Variants in PDSS2 observed in about 807,000 individuals in gnomAD.
The protein encoded by PDSS2 is all trans-polyprenyl-diphosphate synthase PDSS2.
Under a neutral mutation model 44.5 loss-of-function variants are expected in PDSS2, and 31 were observed. The observed-to-expected ratio is 0.70, with a 90% confidence interval of 0.52 to 0.94. PDSS2 has a LOEUF of 0.94. PDSS2 is among the 40% of genes least tolerant of loss of function. PDSS2 has a pLI of 0.00. For synonymous variants in PDSS2, 157 were observed against 180.3 expected (o/e 0.87, Z 1.03); for missense variants, 452 against 482.2 (o/e 0.94, Z 0.59).
intron 4 of PDSS2, among the ~76,000 whole-genome samples, chr6:107,239,818 T>C (rs1177951286): frequency 6.6e-6 from 1 of 151,910 alleles, no homozygotes; most frequent in Non-Finnish European, 1.5e-5. Flanking sequence ...ATTTTTGTAT[T>C]TTTAGCAGAG....
At chr6:107,368,428 A>T (rs1779029276) in intron 1 of PDSS2, among the ~76,000 whole-genome samples, 1 of 152,202 alleles carries the variant, frequency 6.6e-6, no homozygotes, top group African/African-American at 2.4e-5. Context: ...GATAAAGAAG[A>T]TCTAAATAAA....
intron 4 of PDSS2, among the ~76,000 whole-genome samples, chr6:107,214,580 C>A (rs1201042059): frequency 6.6e-6 from 1 of 152,120 alleles, no homozygotes; most frequent in Non-Finnish European, 1.5e-5. Context: ...GGAACCTACC[C>A]AGAAGGATTA....
intron 4 of PDSS2, among the ~76,000 whole-genome samples, chr6:107,241,407 C>A (rs1234269016): frequency 1.0e-4 from 13 of 128,636 alleles, no homozygotes; most frequent in Non-Finnish European, 1.4e-4. Flanking sequence ...AGTGCAGTGG[C>A]GAGATATCGG....
intron 1 of PDSS2, among the ~76,000 whole-genome samples, chr6:107,368,021 A>G (rs1311227841): frequency 6.6e-6 from 1 of 152,170 alleles, no homozygotes; most frequent in Non-Finnish European, 1.5e-5. Flanking sequence ...CCGTAATCCC[A>G]GCACTTTGGG....
At chr6:107,230,126 G>C (rs1773990341) in intron 4 of PDSS2, 1 of 154,742 alleles carries the variant, frequency 6.5e-6, no homozygotes, top group Non-Finnish European at 1.4e-5. Context: ...AAAGGTCAAA[G>C]TTGGTGCTGG....
At chr6:107,213,278 T>C (rs1773290948) in intron 4 of PDSS2, among the ~76,000 whole-genome samples, 1 of 151,560 alleles carries the variant, frequency 6.6e-6, no homozygotes, top group South Asian at 2.1e-4. Flanking sequence ...CCCAAAGTAC[T>C]GGGATTACAG....
At chr6:107,387,226 T>C (rs914609548) in intron 1 of PDSS2, among the ~76,000 whole-genome samples, 2 of 152,220 alleles carry the variant, frequency 1.3e-5, no homozygotes, top group African/African-American at 4.8e-5. Context: ...GAAAGATTGG[T>C]TGACTGTTCT....
intron 1 of PDSS2, among the ~76,000 whole-genome samples, chr6:107,376,861 T>C (rs537928075): frequency 1.8e-4 from 27 of 152,258 alleles, no homozygotes; most frequent in African/African-American, 6.3e-4. Context: ...CTGGATCCCT[T>C]CCTTACACCT....
chr6:107,459,224 C>A lies in PDSS2; in HGVS notation c.62G>T (p.Arg21Leu). 6.2e-7 allele frequency: 1 copy of A among 1,614,056 alleles called. No individual in the cohort carries two copies. Among genetic ancestry groups the A allele is most frequent in the Non-Finnish European group, 8.5e-7 (1 of 1,180,004 alleles). Residue 21 changes from arginine to leucine, a missense_variant, in exon 1 of 8, where the codon CGT becomes CTT. By Grantham distance (102) the Arg-to-Leu change is moderately radical. Transcript: ENST00000369037. The surrounding 1 kb of genome is among the most constrained non-coding windows in gnomAD (Gnocchi z 4.3). The stretch of plus-strand genomic sequence containing the variant: ...GAGGGACGGGGACCACCACAGGCGA[C>A]GCGGGGAACCCGAGGCTCCAAGATA... ...PRYLGASGSP[R>L]RLWWSPSLDT...
chr6:107,311,431 C>A (rs1298331413), intron 2 of PDSS2, among the ~76,000 whole-genome samples: 1 of 152,076 alleles, frequency 6.6e-6, no homozygotes, highest in African/African-American at 2.4e-5. Context: ...TAGTCTTGAA[C>A]TCCTGGGCTC....
intron 1 of PDSS2, among the ~76,000 whole-genome samples, chr6:107,345,288 C>CA (rs879010159): frequency 6.6e-6 from 1 of 150,382 alleles, no homozygotes; most frequent in Admixed American, 6.6e-5. Flanking sequence ...TGCAAGAGAA[C>CA]TACTCACTTT....
chr6:107,262,897 C>T (rs555749659), intron 3 of PDSS2, among the ~76,000 whole-genome samples: 2 of 151,784 alleles, frequency 1.3e-5, no homozygotes, highest in East Asian at 2.0e-4. Flanking sequence ...CTAGATAGTC[C>T]GGCCTGGGCA....
At chr6:107,427,254 G>C (rs546749562) in intron 1 of PDSS2, among the ~76,000 whole-genome samples, 1 of 152,246 alleles carries the variant, frequency 6.6e-6, no homozygotes, top group East Asian at 1.9e-4. Flanking sequence ...CTTTTTGCCT[G>C]CTGCCATCCA....
intron 2 of PDSS2, among the ~76,000 whole-genome samples, chr6:107,305,482 C>T (rs1383958048): frequency 2.6e-5 from 4 of 152,186 alleles, no homozygotes; most frequent in African/African-American, 9.7e-5. Context: ...ATCCTGGCTT[C>T]ATTTTCTATC....
chr6:107,435,834 T>TA (rs977947546), intron 1 of PDSS2, among the ~76,000 whole-genome samples: 4 of 151,786 alleles, frequency 2.6e-5, no homozygotes, highest in Admixed American at 2.0e-4. Context: ...TTTAATTTGC[T>TA]AAAAAAAATC....
intron 2 of PDSS2, among the ~76,000 whole-genome samples, chr6:107,295,048 C>T (rs1156737961): frequency 6.6e-6 from 1 of 152,182 alleles, no homozygotes; most frequent in Non-Finnish European, 1.5e-5. Context: ...TCTCCTGCCC[C>T]AGCCTCCTGA....
chr6:107,213,832 T>C (rs1443008315), intron 4 of PDSS2, among the ~76,000 whole-genome samples: 2 of 152,144 alleles, frequency 1.3e-5, no homozygotes, highest in Non-Finnish European at 2.9e-5. Context: ...ATGAATATTA[T>C]AGTCTTCATG....
At chr6:107,397,459 CTG>C (rs914825273) in intron 1 of PDSS2, among the ~76,000 whole-genome samples, 1 of 152,126 alleles carries the variant, frequency 6.6e-6, no homozygotes, top group African/African-American at 2.4e-5. Flanking sequence ...AACTTTTGAC[CTG>C]TGAGTACATG....
chr6:107,207,841 C>A, intron 6 of PDSS2, among the ~76,000 whole-genome samples: 1 of 151,494 alleles, frequency 6.6e-6, no homozygotes. Flanking sequence ...AACTCCTGAC[C>A]TCAAGTGATC....
Sources: allele counts gnomAD v4.1 joint callset (sites outside exome capture counted in the v4.1 genomes callset), GRCh38; gene constraint gnomAD v4.1.1; non-coding constraint Gnocchi (gnomAD v3.1); transcripts MANE v1.5; gene names NCBI Gene and HGNC (gene_info 2026-07-23, HGNC 2026-07-21).